Variants in DEPDC4 observed in about 807,000 individuals in gnomAD.
DEPDC4 encodes DEP domain-containing protein 4.
A neutral mutation model predicts 52.0 loss-of-function variants in DEPDC4; 52 were observed. The observed-to-expected ratio is 1.00, with a 90% CI of 0.80 to 1.26. DEPDC4 has a LOEUF of 1.26. DEPDC4 is among the 50% of genes most tolerant of loss of function. The pLI, the probability that DEPDC4 is intolerant of heterozygous loss-of-function variation, is 0.00. For missense variants in DEPDC4, 530 were observed against 546.9 expected, an observed-to-expected ratio of 0.97 and a Z score of 0.31; for synonymous variants, 201 against 196.8, an observed-to-expected ratio of 1.02 and a Z score of -0.18.
chr12:100,277,430 G>T, the DEPDC4 span, among the ~76,000 whole-genome samples: 2 of 152,160 alleles, frequency 1.3e-5, no homozygotes, highest in South Asian at 2.1e-4. Flanking sequence ...CATTTATTTC[G>T]AAGTTCTCTT....
At position 100,253,607 on chromosome 12, in the gene DEPDC4, T is replaced by C; in HGVS notation, c.987A>G (p.Arg329=). 1 of 1,289,388 alleles carries C rather than the reference T, an allele frequency of 7.8e-7. No individual in the cohort carries two copies. The highest frequency in any genetic ancestry group is 1.0e-6 in the Non-Finnish European group (1 of 988,604). 79.9% of individuals were successfully genotyped at this position (1,289,388 alleles called of 1,614,324 possible). A position where few individuals can be genotyped will look rare whatever the true frequency, so the allele number is the denominator to read the frequency against. The change falls in exon 5 of 10, where the codon AGA becomes AGG. Residue 329 remains arginine, a synonymous_variant. Coordinates refer to ENST00000550587, the MANE Select transcript of DEPDC4 (RefSeq NM_001364818.2). Reference sequence around the variant, plus strand: ...AGAGTATCTTCTTCTGACTGTTCAATCTTGTCTCTTCATTTCTGTTTTGCA... The same window carrying C: ...AGAGTATCTTCTTCTGACTGTTCAACCTTGTCTCTTCATTTCTGTTTTGCA... ...QLMQNRNEET[R]LNSQKKILFD... is the part of the protein sequence containing the mutation.
intron 1 of DEPDC4, among the ~76,000 whole-genome samples, chr12:100,265,513 T>C (rs1270542154): frequency 6.6e-6 from 1 of 152,042 alleles, no homozygotes; most frequent in Non-Finnish European, 1.5e-5. Context: ...GGAGAATTGC[T>C]AGAACCAGGA....
chr12:100,238,837 G>A (rs145646988), downstream of DEPDC4, among the ~76,000 whole-genome samples: 1 of 152,116 alleles, frequency 6.6e-6, no homozygotes, highest in Middle Eastern at 3.4e-3. Context: ...TTATCCATAA[G>A]GTAAAAGCAA....
At chr12:100,232,964 T>C (rs2096136757) in intron 9 of DEPDC4, among the ~76,000 whole-genome samples, 1 of 152,136 alleles carries the variant, frequency 6.6e-6, no homozygotes, top group Non-Finnish European at 1.5e-5. Flanking sequence ...CTTATTAAAA[T>C]AGTGTAACCT....
rs750859183 is a variant in DEPDC4, at chr12:100,252,373, A to G, written c.1248+21T>C. 2.0e-6 allele frequency: 3 copies of G among 1,530,588 alleles called. No homozygotes were observed. In the South Asian group the frequency reaches 3.7e-5, roughly 19 times the overall value. 94.8% of individuals were successfully genotyped at this position (1,530,588 alleles called of 1,614,324 possible). A position where few individuals can be genotyped will look rare whatever the true frequency, so the allele number is the denominator to read the frequency against. On this transcript the variant is annotated intron_variant, in intron 6 of 9. Transcript: ENST00000550587. ...AAAAATAGCAAAAAAAAATGGCAAA[A>G]CTTATTGCAAAATTTTTCACCTGTT...
downstream of DEPDC4, among the ~76,000 whole-genome samples, chr12:100,237,252 G>T (rs144206011): frequency 6.6e-6 from 1 of 150,674 alleles, no homozygotes; most frequent in Non-Finnish European, 1.5e-5. Flanking sequence ...TTGCCAGCCA[G>T]GCTGGAGTGC....
At chr12:100,255,168 G>A (rs2096227190) in intron 4 of DEPDC4, among the ~76,000 whole-genome samples, 1 of 151,912 alleles carries the variant, frequency 6.6e-6, no homozygotes, top group South Asian at 2.1e-4. Context: ...TGCCCTTTTT[G>A]CCTGGAAGCT....
chr12:100,263,381 T>G, intron 2 of DEPDC4, 116 bp downstream of exon 2: 1 of 856,836 alleles, frequency 1.2e-6, no homozygotes, highest in Non-Finnish European at 1.7e-6. Context: ...AATTTTCACA[T>G]GGATTTTTTT....
At chr12:100,281,183 C>T in the DEPDC4 span, among the ~76,000 whole-genome samples, 1 of 151,900 alleles carries the variant, frequency 6.6e-6, no homozygotes, top group African/African-American at 2.4e-5. Context: ...CACATGCTGC[C>T]ATTCCTGGCT....
rs1390032860 is a variant in DEPDC4, at chr12:100,262,302, A to G, written c.662T>C (p.Ile221Thr). Residue 221 changes from isoleucine (I) to threonine (T), a missense_variant, in exon 3 of 10, where the codon ATC (isoleucine) becomes ACC (threonine). Transcript: ENST00000550587. ...CCGGAGAAAAGGTTTCTGAACTGTG[A>G]TATTTGGACATAAAGCTGGATTCCC... ...INGNPALCPN[I>T]TVQKPFLRLS... 6.2e-7 allele frequency: 1 copy of G among 1,611,862 alleles called. No homozygotes were observed. The highest frequency in any genetic ancestry group is 8.5e-7 in the Non-Finnish European group (1 of 1,179,562).
At chr12:100,250,917 C>CT (rs1276365202) in intron 7 of DEPDC4, among the ~76,000 whole-genome samples, 3 of 152,114 alleles carry the variant, frequency 2.0e-5, no homozygotes, top group African/African-American at 7.2e-5. Context: ...TACAAATGAC[C>CT]TTTTAAAATA....
At chr12:100,274,822 T>C in the DEPDC4 span, among the ~76,000 whole-genome samples, 2 of 152,246 alleles carry the variant, frequency 1.3e-5, no homozygotes, top group Non-Finnish European at 2.9e-5. Context: ...TGGAGAGCGA[T>C]AGGGCTTTAA....
chr12:100,238,861 T>C (rs138169572), downstream of DEPDC4, among the ~76,000 whole-genome samples: 121 of 152,336 alleles, frequency 7.9e-4, 1 homozygote, highest in East Asian at 0.02. Context: ...TTAGGAAATA[T>C]ATAAATATAC....
intron 7 of DEPDC4, among the ~76,000 whole-genome samples, chr12:100,249,210 G>C (rs563206422): frequency 6.6e-6 from 1 of 151,828 alleles, no homozygotes; most frequent in African/African-American, 2.4e-5. Context: ...TTTAAAATTA[G>C]GTTAACCCAT....
At chr12:100,261,872 G>C (rs1004578774) in intron 3 of DEPDC4, 1 of 444,590 alleles carries the variant, frequency 2.2e-6, no homozygotes, top group African/African-American at 2.0e-5. Context: ...GTTGCCTAAG[G>C]TTAGAGAGAA....
intron 7 of DEPDC4, among the ~76,000 whole-genome samples, chr12:100,250,395 T>C (rs974060836): frequency 6.6e-6 from 1 of 152,108 alleles, no homozygotes; most frequent in African/African-American, 2.4e-5. Flanking sequence ...TTTTTTTGTA[T>C]TTTTAGTAGA....
At position 100,263,750 on chromosome 12, in the gene DEPDC4, A is replaced by G; in HGVS notation, c.301T>C (p.Leu101=). ...FTGSDAVDVV[L]SHLMQNTCLS... ...CACGTGTTTTGCATAAGATGACTTA[A>G]GACCACATCGACAGCATCAGAACCA... The change falls in exon 2 of 10, where the codon TTA becomes CTA. Residue 101 remains leucine (L), a synonymous_variant. Transcript: ENST00000550587. 1 of 1,614,182 alleles carries G rather than the reference A, an allele frequency of 6.2e-7. No homozygotes were observed. The highest frequency in any genetic ancestry group is 1.1e-5 in the South Asian group (1 of 91,088).
the DEPDC4 span, among the ~76,000 whole-genome samples, chr12:100,281,019 GTTTTTTTTTTT>G: frequency 7.1e-4 from 36 of 50,490 alleles, no homozygotes; most frequent in East Asian, 9.9e-3. Flanking sequence ...TACCATCAGT[GTTTTTTTTTTT>G]TTTTTTTTTT....
chr12:100,272,574 G>A, the DEPDC4 span, among the ~76,000 whole-genome samples: 3 of 152,042 alleles, frequency 2.0e-5, no homozygotes, highest in African/African-American at 4.8e-5. Context: ...AAACCTATTA[G>A]ATATCTCCAT....
Sources: allele counts gnomAD v4.1 joint callset (sites outside exome capture counted in the v4.1 genomes callset), GRCh38; gene constraint gnomAD v4.1.1; transcripts MANE v1.5; gene names NCBI Gene and HGNC (gene_info 2026-07-23, HGNC 2026-07-21).